NEDD4L: variants seen among roughly 807,000 people sequenced by gnomAD.
NEDD4L encodes NEDD4 like E3 ubiquitin protein ligase.
NEDD4L carries 54 observed loss-of-function variants against 148.9 expected under a neutral mutation model. The observed-to-expected ratio is 0.36, with a 90% CI of 0.29 to 0.45. NEDD4L has a LOEUF of 0.45. Ranked by LOEUF, NEDD4L falls within the 20% of genes least tolerant of loss-of-function variation. The pLI is 1.00. For synonymous variants in NEDD4L, 433 were observed against 440.7 expected (o/e 0.98, Z 0.22); for missense variants, 856 against 1,233.8 (o/e 0.69, Z 4.59).
At chr18:58,376,877 C>G (rs549174817) in intron 24 of NEDD4L, among the ~76,000 whole-genome samples, 87 of 152,304 alleles carry the variant, frequency 5.7e-4, no homozygotes, top group African/African-American at 2.0e-3. Flanking sequence ...CAACACAAGC[C>G]CCTTCCTGCC....
chr18:58,337,515 C>G (rs979510755), intron 13 of NEDD4L, among the ~76,000 whole-genome samples: 1 of 152,174 alleles, frequency 6.6e-6, no homozygotes, highest in African/African-American at 2.4e-5. Flanking sequence ...CTCACTGCCC[C>G]TGTGCTCTCA....
chr18:58,277,481 A>C (rs1446439520), intron 5 of NEDD4L, among the ~76,000 whole-genome samples: 1 of 151,828 alleles, frequency 6.6e-6, no homozygotes, highest in African/African-American at 2.4e-5. Flanking sequence ...CATGTGGTAG[A>C]TCTTGACTTG....
At chr18:58,045,438 T>C in intron 1 of NEDD4L, 1 of 289,298 alleles carries the variant, frequency 3.5e-6, no homozygotes. Flanking sequence ...GCTTAATTGA[T>C]CTCTTTTATT....
chr18:58,176,351 A>G (rs934417246), intron 2 of NEDD4L, among the ~76,000 whole-genome samples: 2 of 151,964 alleles, frequency 1.3e-5, no homozygotes, highest in African/African-American at 4.8e-5. Flanking sequence ...CCTTTTTAAA[A>G]AGAGACAGGA....
chr18:58,348,326 CTTTT>C (rs771263533), intron 16 of NEDD4L, among the ~76,000 whole-genome samples: 1,304 of 88,552 alleles, frequency 0.015, 13 homozygotes, highest in African/African-American at 0.062. Context: ...TCTTTTTTTT[CTTTT>C]TTTTTTTTTT....
At chr18:58,335,688 T>C (rs2041655756) in intron 13 of NEDD4L, 151 bp downstream of exon 13, 1 of 648,950 alleles carries the variant, frequency 1.5e-6, no homozygotes, top group South Asian at 1.8e-5. Flanking sequence ...AGCTTCTCAT[T>C]TGGGGATTGT....
intron 1 of NEDD4L, among the ~76,000 whole-genome samples, chr18:58,155,787 G>A (rs1425801803): frequency 6.6e-6 from 1 of 152,190 alleles, no homozygotes; most frequent in African/African-American, 2.4e-5. Flanking sequence ...TGACAGAAGG[G>A]AAGTGAGGAA....
chr18:58,264,495 A>C (rs1731456678), intron 5 of NEDD4L, among the ~76,000 whole-genome samples: 1 of 152,096 alleles, frequency 6.6e-6, no homozygotes, highest in African/African-American at 2.4e-5. Context: ...CTTTTTAAAA[A>C]TTGATACATA....
At chr18:58,111,916 G>A (rs2085442411) in intron 1 of NEDD4L, among the ~76,000 whole-genome samples, 1 of 152,154 alleles carries the variant, frequency 6.6e-6, no homozygotes, top group Non-Finnish European at 1.5e-5. Context: ...CAGTGTCTGA[G>A]GGTTCCAGTG....
At position 58,357,341 on chromosome 18, in the gene NEDD4L, A is replaced by T. The variant is rs1208918934; in HGVS notation, c.1767+89A>T. 8 of 1,134,666 alleles carry T rather than the reference A, an allele frequency of 7.1e-6. No individual in the cohort carries two copies. In the African/African-American group the frequency reaches 1.2e-4, roughly 17 times the overall value. 70.3% of individuals were successfully genotyped at this position (1,134,666 alleles called of 1,614,324 possible). ...GTGTATTACTGATAACGGTGATGTC[A>T]AGGGACAACGGTGATTGAGTAGTTG... On this transcript the variant is annotated intron_variant, in intron 19 of 30. Coordinates refer to ENST00000400345, the MANE Select transcript of NEDD4L (RefSeq NM_001144967.3).
At chr18:58,142,048 T>TTC (rs1349637664) in intron 1 of NEDD4L, among the ~76,000 whole-genome samples, 69 of 126,318 alleles carry the variant, frequency 5.5e-4, no homozygotes, top group African/African-American at 1.9e-3. Context: ...TTCTTTTTTT[T>TTC]TTTTTTTTTT....
intron 2 of NEDD4L, among the ~76,000 whole-genome samples, chr18:58,169,666 G>A (rs1463847229): frequency 6.6e-6 from 1 of 152,222 alleles, no homozygotes; most frequent in Non-Finnish European, 1.5e-5. Context: ...AAACGCCCAC[G>A]TGGGGCGGCC....
chr18:58,278,631 A>G (rs1400578378), intron 5 of NEDD4L, among the ~76,000 whole-genome samples: 1 of 152,008 alleles, frequency 6.6e-6, no homozygotes, highest in Non-Finnish European at 1.5e-5. Flanking sequence ...CCCTGCCTTT[A>G]TTCCCTGTGG....
chr18:58,231,824 A>C (rs150944973), intron 2 of NEDD4L, among the ~76,000 whole-genome samples: 3,755 of 152,258 alleles, frequency 0.025, 125 homozygotes, highest in African/African-American at 0.075. Flanking sequence ...TTGGCCTCCC[A>C]AGGTGCTGGG....
intron 2 of NEDD4L, among the ~76,000 whole-genome samples, chr18:58,189,130 C>G (rs1348355173): frequency 6.6e-6 from 1 of 152,192 alleles, no homozygotes; most frequent in Non-Finnish European, 1.5e-5. Context: ...TCTAAAGAAA[C>G]CATTCTGCTG....
At chr18:58,158,719 GAGT>G (rs1177342714) in intron 1 of NEDD4L, among the ~76,000 whole-genome samples, 1 of 152,196 alleles carries the variant, frequency 6.6e-6, no homozygotes, top group Non-Finnish European at 1.5e-5. Context: ...AGATGACGGT[GAGT>G]AGTCCGTTGA....
intron 2 of NEDD4L, among the ~76,000 whole-genome samples, chr18:58,194,853 TA>T (rs960743968): frequency 6.6e-6 from 1 of 152,088 alleles, no homozygotes; most frequent in African/African-American, 2.4e-5. Flanking sequence ...CAAGAAAATG[TA>T]AAAAAAGCAC....
intron 2 of NEDD4L, among the ~76,000 whole-genome samples, chr18:58,189,303 G>A (rs1296862210): frequency 1.3e-5 from 2 of 152,140 alleles, no homozygotes; most frequent in African/African-American, 2.4e-5. Flanking sequence ...GCCCTGGTGT[G>A]CTCTGGGGTA....
chr18:58,308,135 T>G (rs2057275817), intron 5 of NEDD4L, among the ~76,000 whole-genome samples: 1 of 152,346 alleles, frequency 6.6e-6, no homozygotes, highest in East Asian at 1.9e-4. Flanking sequence ...AAATTAACTT[T>G]AAAATTAACT....
Sources: gnomAD v4.1 joint callset for allele counts (sites outside exome capture counted in the v4.1 genomes callset) on GRCh38, gnomAD v4.1.1 for gene constraint, MANE v1.5 for transcripts, NCBI Gene and HGNC (gene_info 2026-07-23, HGNC 2026-07-21) for gene names.